HHAT: variants seen among roughly 807,000 people sequenced by gnomAD.
HHAT encodes hedgehog acyltransferase.
A neutral mutation model predicts 70.8 loss-of-function variants in HHAT; 47 were observed. That is an observed-to-expected ratio of 0.66 (90% confidence interval 0.53 to 0.85). The LOEUF is 0.85. Among genes scored for constraint, HHAT ranks in the 40% least tolerant of loss-of-function variants. The pLI, the probability that HHAT is intolerant of heterozygous loss-of-function variation, is 0.00. For synonymous variants in HHAT, 228 were observed against 247.6 expected, an observed-to-expected ratio of 0.92 and a Z score of 0.74; for missense variants, 609 against 604.8, an observed-to-expected ratio of 1.01 and a Z score of -0.07.
At chr1:210,401,480 A>G (rs886665940) in intron 5 of HHAT, among the ~76,000 whole-genome samples, 1 of 152,188 alleles carries the variant, frequency 6.6e-6, no homozygotes, top group Non-Finnish European at 1.5e-5. Flanking sequence ...TAGTGAAAAC[A>G]AAGTGTTTAG....
chr1:210,374,134 C>T (rs531495428), intron 3 of HHAT: 10 of 152,208 alleles, frequency 6.6e-5, no homozygotes, highest in African/African-American at 1.4e-4. Context: ...CTCTTTAAGT[C>T]TTTTTTTATA....
intron 9 of HHAT, among the ~76,000 whole-genome samples, chr1:210,560,107 C>G (rs1332813149): frequency 6.6e-6 from 1 of 152,138 alleles, no homozygotes; most frequent in African/African-American, 2.4e-5. Flanking sequence ...CTCTTAGGAT[C>G]AAATGAAAAC....
chr1:210,335,902 G>A (rs1019416875), intron 1 of HHAT, among the ~76,000 whole-genome samples: 10 of 139,704 alleles, frequency 7.2e-5, no homozygotes, highest in African/African-American at 2.8e-4. Flanking sequence ...TTGGTACAGT[G>A]ATAAGAATGA....
chr1:210,377,503 A>T (rs2090319834), intron 3 of HHAT, among the ~76,000 whole-genome samples: 1 of 152,190 alleles, frequency 6.6e-6, no homozygotes, highest in African/African-American at 2.4e-5. Context: ...TAGACAGAGC[A>T]GGGAGACAGA....
At chr1:210,518,458 A>C (rs1280246593) in intron 9 of HHAT, among the ~76,000 whole-genome samples, 2 of 152,186 alleles carry the variant, frequency 1.3e-5, no homozygotes, top group Non-Finnish European at 2.9e-5. Context: ...TTGAGTTGCC[A>C]AAATCAAATA....
intron 1 of HHAT, among the ~76,000 whole-genome samples, chr1:210,333,480 G>A (rs1394149625): frequency 6.6e-6 from 1 of 151,894 alleles, no homozygotes; most frequent in East Asian, 1.9e-4. Flanking sequence ...ATGAGTATAT[G>A]TACTTCTTTA....
At position 210,667,619 on chromosome 1, in the gene HHAT, C is replaced by T. The variant is rs987485052; in HGVS notation, c.1391-6669C>T. Among the ~76,000 whole-genome samples the T allele has an allele frequency of 2.0e-5, 3 of 151,938 alleles. No individual in the cohort carries two copies. In the East Asian group the frequency reaches 5.8e-4, roughly 29 times the overall value. On this transcript the variant is annotated intron_variant, in intron 11 of 11. Coordinates refer to ENST00000261458, the MANE Select transcript of HHAT (RefSeq NM_018194.6). ...GCTGAATTTTGCCAGTTTTATACACCCTTGAAATCAGTCTCACAATCAAGA... is the reference window on the plus strand; with the variant it reads ...GCTGAATTTTGCCAGTTTTATACACTCTTGAAATCAGTCTCACAATCAAGA...
chr1:210,360,520 G>A (rs965784326), intron 2 of HHAT, among the ~76,000 whole-genome samples: 22 of 152,230 alleles, frequency 1.4e-4, no homozygotes, highest in Non-Finnish European at 4.4e-5. Flanking sequence ...ATGTTGGCCA[G>A]GCTGGTCTTG....
At chr1:210,383,238 G>GC (rs2090787757) in intron 3 of HHAT, among the ~76,000 whole-genome samples, 1 of 152,148 alleles carries the variant, frequency 6.6e-6, no homozygotes, top group South Asian at 2.1e-4. Flanking sequence ...TACTTGGGAG[G>GC]CTGAGGCACG....
chr1:210,509,453 G>A (rs2094917384), intron 8 of HHAT, among the ~76,000 whole-genome samples: 1 of 152,134 alleles, frequency 6.6e-6, no homozygotes, highest in Non-Finnish European at 1.5e-5. Context: ...ACTGTTCCCT[G>A]GGGGGTCTTC....
chr1:210,400,628 C>G lies in HHAT; in HGVS notation c.434C>G (p.Ser145Cys). 6.2e-7 allele frequency: 1 copy of G among 1,614,042 alleles called. No individual in the cohort carries two copies. Among genetic ancestry groups the G allele is most frequent in the Non-Finnish European group, 8.5e-7 (1 of 1,179,978 alleles). ...TGGCTCTGTTCTCTCCTCCTCCTCT[C>G]CACACTGAGGCTGCAGGGTGTGGAA... ...LTWLCSLLLLSTLRLQGVEEV... is the reference protein window; with the variant it reads ...LTWLCSLLLLCTLRLQGVEEV... Residue 145 changes from serine (S) to cysteine (C), a missense_variant, in exon 5 of 12, where the codon TCC (serine) becomes TGC (cysteine). By Grantham distance (112) the Ser-to-Cys change is moderately radical. Transcript: ENST00000261458.
chr1:210,434,135 G>T (rs1240881945), intron 7 of HHAT, among the ~76,000 whole-genome samples: 2 of 151,958 alleles, frequency 1.3e-5, no homozygotes, highest in Non-Finnish European at 1.5e-5. Flanking sequence ...TTTATCAGAA[G>T]TTGAAGAGAG....
intron 7 of HHAT, among the ~76,000 whole-genome samples, chr1:210,446,534 G>A (rs542924185): frequency 6.6e-6 from 1 of 152,232 alleles, no homozygotes; most frequent in South Asian, 2.1e-4. Flanking sequence ...AATAAAGCCA[G>A]TCTGATCCTC....
intron 7 of HHAT, among the ~76,000 whole-genome samples, chr1:210,439,266 T>C (rs1206678136): frequency 6.6e-6 from 1 of 151,804 alleles, no homozygotes; most frequent in Non-Finnish European, 1.5e-5. Context: ...GGGGGCATAA[T>C]TAGGGAGTGG....
intron 8 of HHAT, among the ~76,000 whole-genome samples, chr1:210,506,438 A>G (rs941486730): frequency 1.3e-5 from 2 of 152,186 alleles, no homozygotes; most frequent in East Asian, 1.9e-4. Flanking sequence ...CATGGCTGCT[A>G]TCAGTTGATG....
intron 7 of HHAT, among the ~76,000 whole-genome samples, chr1:210,455,641 C>T (rs988312436): frequency 1.3e-5 from 2 of 152,076 alleles, no homozygotes; most frequent in Non-Finnish European, 2.9e-5. Flanking sequence ...AATTTTGTAA[C>T]CTTTCTGTGC....
chr1:210,328,758 G>C, upstream of HHAT: 1 of 334,708 alleles, frequency 3.0e-6, no homozygotes, highest in Non-Finnish European at 5.4e-6. Context: ...GGGTGAGCGG[G>C]GCTAGGGGCC....
Position 210,386,230 on chromosome 1 carries a change from C to CTTTCT in HHAT, c.160-1235_160-1234insCTTTT, listed in dbSNP as rs1324452281. Among the ~76,000 whole-genome samples the CTTTCT allele has an allele frequency of 3.3e-3, 231 of 69,922 alleles. 23 individuals carry two copies. The highest frequency in any genetic ancestry group is 0.011 in the South Asian group (18 of 1,578). 45.9% of individuals were successfully genotyped at this position (69,922 alleles called of 152,430 possible). A position where few individuals can be genotyped will look rare whatever the true frequency, so the allele number is the denominator to read the frequency against. ...ATTGCAGGAGTCCTTTTCTTTTTTT[C>CTTTCT]TTTTTTTTTTTTTTTTTTTTTTTTT... On this transcript the variant is annotated intron_variant, in intron 3 of 11. Coordinates refer to ENST00000261458, the MANE Select transcript of HHAT (RefSeq NM_018194.6).
intron 9 of HHAT, among the ~76,000 whole-genome samples, chr1:210,585,591 G>A (rs1037473790): frequency 6.6e-6 from 1 of 152,162 alleles, no homozygotes; most frequent in Middle Eastern, 3.4e-3. Flanking sequence ...GCTGATTTTT[G>A]TATTTTTGGT....
Sources: allele counts gnomAD v4.1 joint callset (sites outside exome capture counted in the v4.1 genomes callset), GRCh38; gene constraint gnomAD v4.1.1; transcripts MANE v1.5; gene names NCBI Gene and HGNC (gene_info 2026-07-23, HGNC 2026-07-21).